Variants in FHIT observed in about 807,000 individuals in gnomAD.
The protein encoded by FHIT is fragile histidine triad diadenosine triphosphatase, also known as bis(5'-adenosyl)-triphosphatase.
A neutral mutation model predicts 17.9 loss-of-function variants in FHIT; 19 were observed. The ratio of observed to expected loss-of-function variants is 1.06; its 90% CI spans 0.74 to 1.56. FHIT has a LOEUF of 1.56. Among genes scored for constraint, FHIT ranks in the 40% most tolerant of loss-of-function variants. The pLI is 0.00. For synonymous variants in FHIT, 81 were observed against 69.7 expected, an observed-to-expected ratio of 1.16 and a Z score of -0.81; for missense variants, 248 against 189.2, an observed-to-expected ratio of 1.31 and a Z score of -1.82.
intron 5 of FHIT, among the ~76,000 whole-genome samples, chr3:60,412,937 G>C (rs1169701240): frequency 6.6e-6 from 1 of 152,128 alleles, no homozygotes; most frequent in African/African-American, 2.4e-5. Context: ...CACCATGTAA[G>C]ATGTGCCTGC....
chr3:61,170,996 T>C (rs1343999494), intron 2 of FHIT, among the ~76,000 whole-genome samples: 1 of 152,200 alleles, frequency 6.6e-6, no homozygotes, highest in Admixed American at 6.5e-5. Flanking sequence ...CCAAATGATA[T>C]TTCTGTCTTT....
At chr3:60,438,504 G>A (rs556752965) in intron 5 of FHIT, among the ~76,000 whole-genome samples, 32 of 152,064 alleles carry the variant, frequency 2.1e-4, no homozygotes, top group African/African-American at 7.2e-4. Context: ...TGTCTATTCC[G>A]CACTTAACTT....
In FHIT at chr3:61,186,886, T is replaced by C. The variant is rs186651638; in HGVS notation, c.-164+13731A>G. ...TCCTCCTGTCCTTCTTTTCAGATCT[T>C]AACTTAAACGTCATTAACTCTGACC... On this transcript the variant is annotated intron_variant, in intron 2 of 9. Coordinates refer to ENST00000492590, the MANE Select transcript of FHIT (RefSeq NM_002012.4). 7.3e-4 allele frequency among the ~76,000 whole-genome samples: 111 copies of C among 152,352 alleles called. 1 individual carries two copies. The highest frequency in any genetic ancestry group is 1.2e-3 in the South Asian group (6 of 4,828).
chr3:60,752,501 A>G (rs1329326538), intron 4 of FHIT, among the ~76,000 whole-genome samples: 2 of 152,172 alleles, frequency 1.3e-5, no homozygotes, highest in Admixed American at 6.5e-5. Flanking sequence ...TCTGATTGAA[A>G]AGGACATGTG....
intron 5 of FHIT, among the ~76,000 whole-genome samples, chr3:60,450,856 T>C (rs2031691470): frequency 6.6e-6 from 1 of 152,192 alleles, no homozygotes; most frequent in Admixed American, 6.5e-5. Context: ...AATTAGGTAC[T>C]AGTGACTTCG....
intron 4 of FHIT, among the ~76,000 whole-genome samples, chr3:60,685,143 A>G (rs782490175): frequency 4.6e-5 from 7 of 152,158 alleles, no homozygotes; most frequent in Non-Finnish European, 8.8e-5. Context: ...GCTTTGTCAC[A>G]TACTCACAAT....
intron 5 of FHIT, among the ~76,000 whole-genome samples, chr3:60,367,092 A>C (rs1164282079): frequency 6.6e-6 from 1 of 152,228 alleles, no homozygotes; most frequent in African/African-American, 2.4e-5. Context: ...ATACTCAACT[A>C]ATCTATAAAA....
At chr3:60,132,585 G>C (rs1699641055) in intron 5 of FHIT, among the ~76,000 whole-genome samples, 1 of 152,116 alleles carries the variant, frequency 6.6e-6, no homozygotes, top group African/African-American at 2.4e-5. Flanking sequence ...TTTTAGAATT[G>C]TGCCTATGCC....
chr3:59,756,150 T>G (rs556832207), intron 8 of FHIT, among the ~76,000 whole-genome samples: 1 of 152,312 alleles, frequency 6.6e-6, no homozygotes, highest in Non-Finnish European at 1.5e-5. Flanking sequence ...ACAGAGGTTG[T>G]TTCTAGGAGT....
intron 5 of FHIT, among the ~76,000 whole-genome samples, chr3:60,271,129 G>A (rs213340): frequency 0.67 from 102,303 of 151,982 alleles, 34,745 homozygotes; most frequent in East Asian, 0.91. Flanking sequence ...GCCACGCTCC[G>A]TGGCTCACAC....
At chr3:60,761,466 C>G (rs1699654077) in intron 4 of FHIT, among the ~76,000 whole-genome samples, 1 of 152,158 alleles carries the variant, frequency 6.6e-6, no homozygotes, top group African/African-American at 2.4e-5. Context: ...TTTCTATTTA[C>G]ATTCCAAATG....
intron 5 of FHIT, among the ~76,000 whole-genome samples, chr3:60,411,530 G>T (rs889008510): frequency 3.3e-5 from 5 of 152,122 alleles, no homozygotes; most frequent in Non-Finnish European, 5.9e-5. Context: ...TATGTATATT[G>T]TATTTCTGGA....
intron 4 of FHIT, among the ~76,000 whole-genome samples, chr3:60,685,120 C>A (rs1453414836): frequency 6.6e-6 from 1 of 152,168 alleles, no homozygotes; most frequent in Non-Finnish European, 1.5e-5. Flanking sequence ...ACCTCCCTAG[C>A]CCAAGCCCGT....
chr3:60,896,108 T>C (rs938248871), intron 3 of FHIT, among the ~76,000 whole-genome samples: 3 of 152,058 alleles, frequency 2.0e-5, no homozygotes, highest in Admixed American at 6.6e-5. Flanking sequence ...CGCATACTCA[T>C]TATGAGAATC....
chr3:60,645,791 G>A (rs1292095895), intron 4 of FHIT, among the ~76,000 whole-genome samples: 5 of 152,054 alleles, frequency 3.3e-5, no homozygotes, highest in African/African-American at 7.2e-5. Flanking sequence ...AATAGTTAAC[G>A]CTATAAGAGC....
At chr3:60,719,416 T>C (rs1360026786) in intron 4 of FHIT, among the ~76,000 whole-genome samples, 2 of 152,164 alleles carry the variant, frequency 1.3e-5, no homozygotes, top group Non-Finnish European at 2.9e-5. Context: ...TACAGGTAAA[T>C]GCAAATTTCT....
At chr3:59,967,721 T>G (rs958613263) in intron 7 of FHIT, among the ~76,000 whole-genome samples, 3 of 152,048 alleles carry the variant, frequency 2.0e-5, no homozygotes, top group Non-Finnish European at 2.9e-5. Context: ...ATAAGCCCAG[T>G]AGATCCAAAG....
chr3:60,523,466 C>T (rs572767832), intron 5 of FHIT, among the ~76,000 whole-genome samples: 6 of 151,898 alleles, frequency 4.0e-5, no homozygotes, highest in Admixed American at 6.6e-5. Flanking sequence ...AATAATAAAT[C>T]AGAAGAAGGT....
intron 5 of FHIT, among the ~76,000 whole-genome samples, chr3:60,261,299 G>C (rs902236014): frequency 6.6e-6 from 1 of 151,866 alleles, no homozygotes; most frequent in Non-Finnish European, 1.5e-5. Context: ...ACATATCCAC[G>C]ACAGGTGAGA....
Sources: gnomAD v4.1 joint callset for allele counts (sites outside exome capture counted in the v4.1 genomes callset) on GRCh38, gnomAD v4.1.1 for gene constraint, MANE v1.5 for transcripts, NCBI Gene and HGNC (gene_info 2026-07-23, HGNC 2026-07-21) for gene names.